Variants in R3HDM1 observed in about 807,000 individuals in gnomAD.
R3HDM1 encodes R3H domain-containing protein 1.
In R3HDM1, 46 loss-of-function variants were observed where a neutral mutation model predicts 141.1. The observed-to-expected ratio is 0.33, with a 90% CI of 0.26 to 0.42. The LOEUF is 0.42. Ranked by LOEUF, R3HDM1 falls within the 10% of genes least tolerant of loss-of-function variation. The pLI, the probability that R3HDM1 is intolerant of heterozygous loss-of-function variation, is 1.00. For missense variants in R3HDM1, 1,184 were observed against 1,368.3 expected (o/e 0.87, Z 2.12); for synonymous variants, 435 against 472.9 (o/e 0.92, Z 1.04).
At chr2:135,535,455 C>T (rs1323427005) in intron 1 of R3HDM1, among the ~76,000 whole-genome samples, 1 of 151,682 alleles carries the variant, frequency 6.6e-6, no homozygotes, top group African/African-American at 2.4e-5. Context: ...GCTGAGATTG[C>T]ACCACTGCAC....
intron 3 of R3HDM1, among the ~76,000 whole-genome samples, chr2:135,607,496 C>G (rs2060177378): frequency 6.6e-6 from 1 of 152,162 alleles, no homozygotes; most frequent in South Asian, 2.1e-4. Context: ...ACTAATAGCA[C>G]TTTCTAGAAC....
chr2:135,607,607 G>A (rs2060186287), intron 3 of R3HDM1, among the ~76,000 whole-genome samples: 1 of 152,192 alleles, frequency 6.6e-6, no homozygotes, highest in Non-Finnish European at 1.5e-5. Flanking sequence ...TAGTGCATTT[G>A]TGATTGAAAT....
Position 135,645,392 on chromosome 2 carries a change from A to G in R3HDM1, c.1488A>G (p.Ile496Met), listed in dbSNP as rs748278936. The part of the protein sequence containing the change: ...LINPQTGQPF[I>M]NPDGSPVVYN... The stretch of plus-strand genomic sequence containing the variant: ...TGAATTTTTCAGGTCAGCCCTTCAT[A>G]AACCCAGATGGGAGTCCAGTTGTGT... The change falls in exon 16 of 27, where the codon ATA becomes ATG. Residue 496 changes from isoleucine (I) to methionine (M), a missense_variant. Physicochemically the swap from Ile to Met is conservative, Grantham distance 10 (BLOSUM62 1). Coordinates refer to ENST00000683871, the MANE Select transcript of R3HDM1 (RefSeq NM_001378107.1). 4 of 1,608,514 alleles carry G rather than the reference A, an allele frequency of 2.5e-6. No individual in the cohort carries two copies. Among genetic ancestry groups the G allele is most frequent in the Non-Finnish European group, 3.4e-6 (4 of 1,176,268 alleles).
rs116821936 is a variant in R3HDM1 at position 135,715,688 on chromosome 2, G to A, written c.2875G>A (p.Gly959Arg). The A allele has an allele frequency of 2.4e-4, 383 of 1,612,756 alleles. 1 individual carries two copies. The East Asian group carries it at 6.6e-3, about 28-fold the overall frequency. ...CCAATTTTCTAGACCTTTTGTCCCC[G>A]GGCAAGGTAAGTGCACATGAAACTA... Reference protein sequence around the residue: ...MPQFSRPFVPGQGDSRYPLLG... With the variant: ...MPQFSRPFVPRQGDSRYPLLG... Residue 959 changes from glycine to arginine, a missense_variant, in exon 24 of 27, where the codon GGG (glycine) becomes AGG (arginine). This residue lies in a region of R3HDM1 where 182 missense variants were observed against 252.6 expected (regional missense o/e 0.72). Coordinates refer to ENST00000683871, the MANE Select transcript of R3HDM1 (RefSeq NM_001378107.1).
intron 20 of R3HDM1, 25 bp downstream of exon 20, chr2:135,675,511 T>C: frequency 1.3e-6 from 2 of 1,578,392 alleles, no homozygotes; most frequent in Non-Finnish European, 1.7e-6. Context: ...TTATGTACTT[T>C]GGGTAGAGAT....
intron 19 of R3HDM1, among the ~76,000 whole-genome samples, chr2:135,673,722 A>G (rs557485859): frequency 4.7e-4 from 72 of 152,352 alleles, no homozygotes; most frequent in African/African-American, 1.7e-3. Context: ...CATTGGAAAC[A>G]TGGCCATAAA....
chr2:135,585,538 A>C (rs942841575), intron 1 of R3HDM1, among the ~76,000 whole-genome samples: 1 of 152,250 alleles, frequency 6.6e-6, no homozygotes, highest in African/African-American at 2.4e-5. Flanking sequence ...TGCTATACCC[A>C]GCTATCACAG....
intron 1 of R3HDM1, chr2:135,590,771 C>A: frequency 1.0e-6 from 1 of 961,070 alleles, no homozygotes; most frequent in Non-Finnish European, 1.2e-6. Context: ...TTGTACACAT[C>A]CTTTTATAGA....
At chr2:135,684,808 G>T (rs2071053302) in intron 21 of R3HDM1, among the ~76,000 whole-genome samples, 1 of 151,870 alleles carries the variant, frequency 6.6e-6, no homozygotes, top group Non-Finnish European at 1.5e-5. Flanking sequence ...TGTTACCCAG[G>T]CTGGAGGGCA....
intron 1 of R3HDM1, chr2:135,581,200 G>C: frequency 1.0e-6 from 1 of 985,422 alleles, no homozygotes; most frequent in Non-Finnish European, 1.2e-6. Context: ...TATTAAGGTA[G>C]TAGTGAGGAT....
chr2:135,562,523 ATATAC>A (rs1282881027), intron 1 of R3HDM1, among the ~76,000 whole-genome samples: 1 of 152,178 alleles, frequency 6.6e-6, no homozygotes, highest in Non-Finnish European at 1.5e-5. Context: ...TTGGCATCAG[ATATAC>A]TAAGCCATAA....
In R3HDM1 at chr2:135,697,303, A is replaced by ATGG. The variant is rs1207912450; in HGVS notation, c.2460-12128_2460-12126dup. On this transcript the variant is annotated intron_variant, in intron 21 of 26. Coordinates refer to ENST00000683871, the MANE Select transcript of R3HDM1 (RefSeq NM_001378107.1). ...GAAAACTACAGCCCACAATCAAAGA[A>ATGG]TGGTTTTTAAATTTGTAAAGGATTA... 3.3e-5 allele frequency among the ~76,000 whole-genome samples: 5 copies of ATGG among 152,244 alleles called. No homozygotes were observed. In the East Asian group the frequency reaches 9.6e-4, roughly 29 times the overall value.
chr2:135,588,136 T>G (rs1031243652), intron 1 of R3HDM1, among the ~76,000 whole-genome samples: 5 of 152,026 alleles, frequency 3.3e-5, no homozygotes, highest in African/African-American at 1.2e-4. Flanking sequence ...TCCCTGTCTG[T>G]TTCAGTATTT....
intron 1 of R3HDM1, among the ~76,000 whole-genome samples, chr2:135,595,278 C>T (rs1356449075): frequency 6.6e-6 from 1 of 152,164 alleles, no homozygotes; most frequent in African/African-American, 2.4e-5. Flanking sequence ...TGTGTCCTCT[C>T]ATAACTCTTC....
chr2:135,613,541 G>T (rs749216430), intron 3 of R3HDM1, among the ~76,000 whole-genome samples: 5 of 152,200 alleles, frequency 3.3e-5, no homozygotes, highest in Non-Finnish European at 7.3e-5. Context: ...ATCCAGCAGG[G>T]TATGGTAGTT....
At chr2:135,704,386 T>C (rs555016331) in intron 21 of R3HDM1, among the ~76,000 whole-genome samples, 1 of 152,348 alleles carries the variant, frequency 6.6e-6, no homozygotes, top group East Asian at 1.9e-4. Flanking sequence ...TTCATTGAAA[T>C]TAACTTTCTA....
At chr2:135,663,351 C>T (rs574569005) in intron 19 of R3HDM1, among the ~76,000 whole-genome samples, 1 of 152,216 alleles carries the variant, frequency 6.6e-6, no homozygotes, top group South Asian at 2.1e-4. Flanking sequence ...AGAATCATGT[C>T]TTTGAAAAAT....
intron 1 of R3HDM1, among the ~76,000 whole-genome samples, chr2:135,532,637 C>A (rs1353806310): frequency 6.6e-6 from 1 of 151,942 alleles, no homozygotes; most frequent in Non-Finnish European, 1.5e-5. Flanking sequence ...GCTTAAATAT[C>A]ATTGATGACA....
intron 1 of R3HDM1, among the ~76,000 whole-genome samples, chr2:135,570,906 G>A (rs1703957519): frequency 6.6e-6 from 1 of 152,190 alleles, no homozygotes; most frequent in African/African-American, 2.4e-5. Flanking sequence ...TTCAACGTGT[G>A]TGTTGTAGCC....
Sources: allele counts gnomAD v4.1 joint callset (sites outside exome capture counted in the v4.1 genomes callset), GRCh38; gene constraint gnomAD v4.1.1; regional missense constraint gnomAD v4.1.1; transcripts MANE v1.5; gene names NCBI Gene and HGNC (gene_info 2026-07-23, HGNC 2026-07-21).